The following DLGAP1 variants were observed in gnomAD, a reference collection of about 807,000 sequenced individuals.
DLGAP1 encodes the protein DLG associated protein 1.
In DLGAP1, 11 loss-of-function variants were observed where a neutral mutation model predicts 90.8. The ratio of observed to expected loss-of-function variants is 0.12; its 90% CI spans 0.08 to 0.20. DLGAP1 has a LOEUF of 0.20. Among genes scored for constraint, DLGAP1 ranks in the 10% least tolerant of loss-of-function variants. The pLI is 1.00. For missense variants in DLGAP1, 1,050 were observed against 1,333.8 expected (o/e 0.79, Z 3.31); for synonymous variants, 558 against 540.7 (o/e 1.03, Z -0.44).
intron 7 of DLGAP1, among the ~76,000 whole-genome samples, chr18:3,639,812 T>G (rs997142284): frequency 7.4e-6 from 1 of 134,408 alleles, no homozygotes; most frequent in African/African-American, 3.0e-5. Context: ...TGGAGTGCAG[T>G]GGCGCGATCT....
chr18:4,022,550 G>A (rs1175421973), intron 2 of DLGAP1, among the ~76,000 whole-genome samples: 1 of 151,946 alleles, frequency 6.6e-6, no homozygotes, highest in Non-Finnish European at 1.5e-5. Flanking sequence ...ATCTACTCAC[G>A]ATGCTACATA....
chr18:3,920,070 C>A (rs1011773618), intron 3 of DLGAP1, among the ~76,000 whole-genome samples: 1 of 152,156 alleles, frequency 6.6e-6, no homozygotes, highest in African/African-American at 2.4e-5. Flanking sequence ...GGCCCGGACA[C>A]AGTGGCTCAT....
chr18:3,894,172 G>A (rs1370793968), intron 3 of DLGAP1, among the ~76,000 whole-genome samples: 1 of 152,038 alleles, frequency 6.6e-6, no homozygotes, highest in Non-Finnish European at 1.5e-5. Context: ...TTCTGTAAGT[G>A]GTCTGAGTAT....
Position 3,879,288 on chromosome 18 carries a change from T to C in DLGAP1, c.781A>G (p.Thr261Ala), listed in dbSNP as rs756463221. The change falls in exon 4 of 13, where the codon ACC (threonine) becomes GCC (alanine). Residue 261 changes from threonine to alanine, a missense_variant. By Grantham distance (58) the Thr-to-Ala change is moderately conservative. This residue lies in a region of DLGAP1 where 485 missense variants were observed against 454.1 expected (regional missense o/e 1.07). Transcript: ENST00000315677. The surrounding 1 kb of genome is among the most constrained non-coding windows in gnomAD (Gnocchi z 6.6). ...AGGCTGACCGGCAGGTTGGCGCAGGTGGAGCACTTGACGTCGTTGTTGCTC... is the reference window on the plus strand; with the variant it reads ...AGGCTGACCGGCAGGTTGGCGCAGGCGGAGCACTTGACGTCGTTGTTGCTC... ...SRSNNDVKCS[T>A]CANLPVSLDT... is the part of the protein sequence containing the mutation. The C allele has an allele frequency of 3.1e-6, 5 of 1,596,656 alleles. No individual in the cohort carries two copies. In the East Asian group the frequency reaches 6.7e-5, roughly 21 times the overall value.
chr18:4,272,028 C>T (rs186879045), intron 1 of DLGAP1, among the ~76,000 whole-genome samples: 1 of 151,706 alleles, frequency 6.6e-6, no homozygotes, highest in Non-Finnish European at 1.5e-5. Context: ...CCATTTTTTT[C>T]TTTCATGACT....
At chr18:3,807,232 T>C (rs886896860) in intron 5 of DLGAP1, among the ~76,000 whole-genome samples, 2 of 152,254 alleles carry the variant, frequency 1.3e-5, no homozygotes, top group African/African-American at 4.8e-5. Flanking sequence ...TTTGAATGTC[T>C]GTTTTTCCTG....
chr18:3,819,709 G>T (rs1030334820), intron 4 of DLGAP1, among the ~76,000 whole-genome samples: 1 of 152,142 alleles, frequency 6.6e-6, no homozygotes. Flanking sequence ...CTAGTGTAGG[G>T]TGACACTGCC....
intron 2 of DLGAP1, among the ~76,000 whole-genome samples, chr18:4,057,663 G>A (rs879051735): frequency 6.6e-6 from 1 of 152,090 alleles, no homozygotes; most frequent in Non-Finnish European, 1.5e-5. Flanking sequence ...TCTAAAATTT[G>A]TCTTGGTCTC....
At chr18:3,559,661 C>T (rs564902220) in intron 9 of DLGAP1, among the ~76,000 whole-genome samples, 196 of 138,526 alleles carry the variant, frequency 1.4e-3, no homozygotes, top group Non-Finnish European at 2.2e-3. Context: ...CTCGTTCTGT[C>T]GCCCAGGCTG....
chr18:4,316,434 G>A (rs1030932568), intron 1 of DLGAP1, among the ~76,000 whole-genome samples: 6 of 152,244 alleles, frequency 3.9e-5, no homozygotes, highest in African/African-American at 1.2e-4. Context: ...AGGCAGGGTC[G>A]GGTGGCACAG....
chr18:4,196,105 C>T (rs766852113), intron 1 of DLGAP1, among the ~76,000 whole-genome samples: 12 of 152,174 alleles, frequency 7.9e-5, no homozygotes, highest in Non-Finnish European at 1.6e-4. Context: ...ATCAATCATG[C>T]ACCAAACACT....
intron 1 of DLGAP1, among the ~76,000 whole-genome samples, chr18:4,376,698 G>A (rs746963868): frequency 1.2e-4 from 19 of 152,114 alleles, no homozygotes; most frequent in Non-Finnish European, 2.5e-4. Flanking sequence ...TTTCAAGAAC[G>A]ATTCTGAGCA....
chr18:4,312,163 T>A lies in DLGAP1; in HGVS notation c.-267+142843A>T, dbSNP rs566851604. On this transcript the variant is annotated intron_variant, in intron 1 of 12. Transcript: ENST00000315677. ...ACTGTGCCTGGCCCAGTGCCAATAA[T>A]TTCATCAAAAATTTTCTAAGCGATA... 6.4e-4 allele frequency among the ~76,000 whole-genome samples: 98 copies of A among 152,308 alleles called. 1 individual carries two copies. The highest frequency in any genetic ancestry group is 1.1e-3 in the Non-Finnish European group (76 of 68,014).
At chr18:3,576,338 C>T (rs1037498834) in intron 8 of DLGAP1, among the ~76,000 whole-genome samples, 2 of 151,492 alleles carry the variant, frequency 1.3e-5, no homozygotes, top group African/African-American at 4.9e-5. Flanking sequence ...CGGCTCACTG[C>T]AACCTCCGCC....
intron 2 of DLGAP1, among the ~76,000 whole-genome samples, chr18:4,059,376 CA>C (rs1334645361): frequency 6.6e-6 from 1 of 152,108 alleles, no homozygotes; most frequent in Non-Finnish European, 1.5e-5. Context: ...TTGATTTCCC[CA>C]AACCTTAAAA....
chr18:3,891,760 T>C (rs1365348841), intron 3 of DLGAP1, among the ~76,000 whole-genome samples: 1 of 152,118 alleles, frequency 6.6e-6, no homozygotes, highest in South Asian at 2.1e-4. Context: ...TGAGATAATA[T>C]ATTTAGTAAT....
At chr18:3,881,105 C>G (rs1036430749) in intron 3 of DLGAP1, among the ~76,000 whole-genome samples, 1 of 150,284 alleles carries the variant, frequency 6.7e-6, no homozygotes, top group African/African-American at 2.5e-5. Context: ...GGGTCTTATT[C>G]TTTTTTTTCT....
intron 4 of DLGAP1, among the ~76,000 whole-genome samples, chr18:3,872,322 T>A (rs367674345): frequency 2.0e-5 from 3 of 152,150 alleles, no homozygotes; most frequent in East Asian, 3.9e-4. Flanking sequence ...TTTTCTCCTT[T>A]ATCTCTGTGT....
rs574188207 is a variant in DLGAP1, at chr18:4,407,887, A to C, written c.-267+47119T>G. ...AAATAAATAAATAAATAAATAAATA[A>C]ATATATAAATAAATAAGAAAAGTAT... On this transcript the variant is annotated intron_variant, in intron 1 of 12. Transcript: ENST00000315677. Among the ~76,000 whole-genome samples the C allele has an allele frequency of 1.5e-3, 196 of 128,024 alleles. 2 individuals carry two copies. Among genetic ancestry groups the C allele is most frequent in the African/African-American group, 7.8e-3 (188 of 24,040 alleles). The allele number at this position is 128,024 out of a possible 152,430, so 84.0% of individuals were successfully genotyped here.
Sources: allele counts gnomAD v4.1 joint callset (sites outside exome capture counted in the v4.1 genomes callset), GRCh38; gene constraint gnomAD v4.1.1; regional missense constraint gnomAD v4.1.1; non-coding constraint Gnocchi (gnomAD v3.1); transcripts MANE v1.5; gene names NCBI Gene and HGNC (gene_info 2026-07-23, HGNC 2026-07-21).